BRCA1: variants seen among roughly 807,000 people sequenced by gnomAD.
BRCA1 encodes the protein BRCA1 DNA repair associated, also known as breast cancer type 1 susceptibility protein.
BRCA1 carries 140 observed loss-of-function variants against 173.7 expected under a neutral mutation model. That is an observed-to-expected ratio of 0.81 (90% confidence interval 0.70 to 0.93). The LOEUF (loss-of-function observed/expected upper bound fraction) is 0.93. Ranked by LOEUF, BRCA1 falls within the 40% of genes least tolerant of loss-of-function variation. The pLI is 0.00. For missense variants in BRCA1, 1,983 were observed against 2,172.5 expected (o/e 0.91, Z 1.73); for synonymous variants, 662 against 756.0 (o/e 0.88, Z 2.04).
chr17:43,047,035 T>A (rs556117109), intron 22 of BRCA1, among the ~76,000 whole-genome samples: 2 of 152,308 alleles, frequency 1.3e-5, no homozygotes, highest in East Asian at 3.9e-4. Flanking sequence ...TGGTGGAGTT[T>A]TATGGTGATC....
intron 2 of BRCA1, among the ~76,000 whole-genome samples, chr17:43,120,498 G>C (rs2055495618): frequency 6.6e-6 from 1 of 152,234 alleles, no homozygotes; most frequent in South Asian, 2.1e-4. Context: ...GGGCGCGGTG[G>C]CTCACGCCTG....
At chr17:43,122,892 A>AT (rs1424753848) in intron 2 of BRCA1, among the ~76,000 whole-genome samples, 3 of 151,526 alleles carry the variant, frequency 2.0e-5, no homozygotes, top group African/African-American at 7.3e-5. Flanking sequence ...TAAAAAAGAA[A>AT]AAAAAATACA....
chr17:43,103,641 A>T (rs761329103), intron 6 of BRCA1, among the ~76,000 whole-genome samples: 4 of 152,054 alleles, frequency 2.6e-5, no homozygotes, highest in Non-Finnish European at 5.9e-5. Context: ...TCTCTTGATT[A>T]TATCAGGTAC....
At chr17:43,083,197 CCTCT>C (rs759820303) in intron 11 of BRCA1, among the ~76,000 whole-genome samples, 2 of 150,970 alleles carry the variant, frequency 1.3e-5, no homozygotes, top group Non-Finnish European at 2.9e-5. Flanking sequence ...TTTAAGTCTC[CCTCT>C]GTCACCCAGG....
chr17:43,126,165 T>C (rs780620052), upstream of BRCA1, among the ~76,000 whole-genome samples: 7 of 152,226 alleles, frequency 4.6e-5, no homozygotes, highest in Admixed American at 6.5e-5. Flanking sequence ...GGAAATGCGC[T>C]CTGGCCCATG....
At position 43,100,214 on chromosome 17, in the gene BRCA1, AT is replaced by A. The variant is rs8176138; in HGVS notation, c.442-335del. Among the ~76,000 whole-genome samples, 932 of 150,838 alleles carry A rather than the reference AT, an allele frequency of 6.2e-3. 7 individuals carry two copies. Among genetic ancestry groups the A allele is most frequent in the Middle Eastern group, 0.031 (9 of 294 alleles). On this transcript the variant is annotated intron_variant, in intron 6 of 22. Coordinates refer to ENST00000357654, the MANE Select transcript of BRCA1 (RefSeq NM_007294.4). ...AATGTGTGGGATATGTGTGATTTGA[AT>A]TTTTTTTTCTGTTGTCTTAAATTTT...
intron 1 of BRCA1, chr17:43,138,774 C>T (rs1461424819): frequency 2.6e-6 from 2 of 779,020 alleles, no homozygotes; most frequent in South Asian, 2.7e-5. Flanking sequence ...CCTTTCCTCC[C>T]CTGTAGCAGC....
At chr17:43,070,020 G>A (rs566788810) in intron 15 of BRCA1, among the ~76,000 whole-genome samples, 6 of 152,162 alleles carry the variant, frequency 3.9e-5, no homozygotes, top group Non-Finnish European at 7.4e-5. Flanking sequence ...CGCAACCTCC[G>A]CCTCCCGGGT....
chr17:43,062,742 C>T (rs1355099166), intron 18 of BRCA1, among the ~76,000 whole-genome samples: 3 of 151,820 alleles, frequency 2.0e-5, no homozygotes, highest in Admixed American at 6.6e-5. Context: ...GAACTAAAGG[C>T]GCATGCCACC....
intron 19 of BRCA1, 46 bp from the exon 20 acceptor site, chr17:43,051,163 G>T: frequency 6.5e-7 from 1 of 1,532,442 alleles, no homozygotes. Flanking sequence ...TGGAGAGAAG[G>T]AAAATCTAGT....
upstream of BRCA1, among the ~76,000 whole-genome samples, chr17:43,130,309 G>A (rs1365551494): frequency 6.6e-6 from 1 of 151,806 alleles, no homozygotes; most frequent in Admixed American, 6.6e-5. Flanking sequence ...CCACCACACC[G>A]GGCCAATTTT....
intron 16 of BRCA1, among the ~76,000 whole-genome samples, chr17:43,064,260 G>T (rs1278924582): frequency 6.6e-6 from 1 of 152,134 alleles, no homozygotes; most frequent in East Asian, 1.9e-4. Flanking sequence ...TAGTGTTCAA[G>T]GAATTAGGAA....
At chr17:43,135,289 A>G (rs1177177688) in intron 1 of BRCA1, among the ~76,000 whole-genome samples, 2 of 138,042 alleles carry the variant, frequency 1.4e-5, no homozygotes, top group South Asian at 2.8e-4. Flanking sequence ...GGAGCCACAG[A>G]GCGCAGCGGC....
chr17:43,129,183 C>T (rs2055943726), upstream of BRCA1, among the ~76,000 whole-genome samples: 2 of 152,232 alleles, frequency 1.3e-5, no homozygotes, highest in Non-Finnish European at 2.9e-5. Flanking sequence ...TCTGACTCTA[C>T]TGGCTGTAGA....
At chr17:43,110,118 TCTC>T (rs1164941067) in intron 3 of BRCA1, among the ~76,000 whole-genome samples, 1 of 151,910 alleles carries the variant, frequency 6.6e-6, no homozygotes, top group Admixed American at 6.6e-5. Context: ...ATGGTCTCGA[TCTC>T]CTGACCTCGT....
rs8176142 is a variant in BRCA1, at chr17:43,098,749, C to T, written c.547+1026G>A. ...TCTTAAACTCGTGGACTCAACCAAT[C>T]CTTCTGCCTCGGTCTTCCAAAGCGT... On this transcript the variant is annotated intron_variant, in intron 7 of 22. Transcript: ENST00000357654. Among the ~76,000 whole-genome samples, 396 of 152,086 alleles carry T rather than the reference C, an allele frequency of 2.6e-3. 3 individuals carry two copies. Among genetic ancestry groups the T allele is most frequent in the African/African-American group, 9.4e-3 (388 of 41,486 alleles).
intron 10 of BRCA1, 26 bp from the exon 11 acceptor site, chr17:43,091,058 G>A (rs2154259929): frequency 6.3e-7 from 1 of 1,597,206 alleles, no homozygotes. Context: ...CAGAGGTTCA[G>A]ATGTAAAAGC....
chr17:43,098,760 G>A (rs185266203), intron 7 of BRCA1, among the ~76,000 whole-genome samples: 46 of 151,740 alleles, frequency 3.0e-4, no homozygotes, highest in Non-Finnish European at 5.2e-4. Flanking sequence ...CTTCTGCCTC[G>A]GTCTTCCAAA....
intron 6 of BRCA1, among the ~76,000 whole-genome samples, chr17:43,100,361 G>A (rs2054330431): frequency 6.7e-6 from 1 of 148,572 alleles, no homozygotes; most frequent in Non-Finnish European, 1.5e-5. Context: ...TTTGGGGGGT[G>A]TACAGAGTCC....
Sources: allele counts gnomAD v4.1 joint callset (sites outside exome capture counted in the v4.1 genomes callset), GRCh38; gene constraint gnomAD v4.1.1; transcripts MANE v1.5; gene names NCBI Gene and HGNC (gene_info 2026-07-23, HGNC 2026-07-21).